The following SCNN1D variants were observed in gnomAD, a reference collection of about 807,000 sequenced individuals.
The protein encoded by SCNN1D is sodium channel epithelial 1 subunit delta, also known as epithelial sodium channel subunit delta.
SCNN1D carries 104 observed loss-of-function variants against 87.8 expected under a neutral mutation model. The ratio of observed to expected loss-of-function variants is 1.18; its 90% CI spans 1.01 to 1.39. SCNN1D has a LOEUF of 1.39. Ranked by LOEUF, SCNN1D falls within the 40% of genes most tolerant of loss-of-function variation. The pLI is 0.00. For missense variants in SCNN1D, 1,324 were observed against 1,093.9 expected (o/e 1.21, Z -2.97); for synonymous variants, 628 against 481.2 (o/e 1.31, Z -3.99).
Position 1,291,282 on chromosome 1 carries a change from G to C in SCNN1D, c.2081G>C (p.Ser694Thr). The C allele has an allele frequency of 6.4e-7, 1 of 1,565,044 alleles. No homozygotes were observed. ...CCGCAGCTGCTCTCGGCCATGGGCA[G>C]CCTCTGCAGCCTGTGGTTTGGGGCC... ...SVPQLLSAMG[S>T]LCSLWFGASV... The change falls in exon 18 of 18, where the codon AGC becomes ACC. Residue 694 changes from serine to threonine, a missense_variant. Ser to Thr is a moderately conservative substitution (Grantham distance 58). Coordinates refer to ENST00000379116, the MANE Select transcript of SCNN1D (RefSeq NM_001130413.4).
chr1:1,284,987 G>A (rs74046667), intron 5 of SCNN1D, among the ~76,000 whole-genome samples: 5,132 of 152,292 alleles, frequency 0.034, 310 homozygotes, highest in African/African-American at 0.11. Flanking sequence ...AGGTGGAGAC[G>A]AGGAGTGGGG....
chr1:1,285,186 C>T (rs1025977377), intron 5 of SCNN1D, among the ~76,000 whole-genome samples: 29 of 152,342 alleles, frequency 1.9e-4, no homozygotes, highest in African/African-American at 7.0e-4. Context: ...GCTTCTGGCT[C>T]GCTCTAGCAC....
chr1:1,290,691 AGCT>A lies in SCNN1D; in HGVS notation c.1916_1917+1del. On this transcript the variant is annotated inframe_deletion and splice_region_variant, in exon 15 of 18. Coordinates refer to ENST00000379116, the MANE Select transcript of SCNN1D (RefSeq NM_001130413.4). ...CCTCCAGGTGGCCTTCCGCCAAGTC[AGCT>A]GTGAGTCCCCAAAGTGGTGGGGTGG... 1 of 1,612,606 alleles carries A rather than the reference AGCT, an allele frequency of 6.2e-7. No homozygotes were observed. Among genetic ancestry groups the A allele is most frequent in the Non-Finnish European group, 8.5e-7 (1 of 1,179,908 alleles).
chr1:1,281,296 A>T lies in SCNN1D; in HGVS notation c.76A>T (p.Arg26Trp). The change falls in exon 2 of 18, where the codon AGG (arginine) becomes TGG (tryptophan). Residue 26 changes from arginine to tryptophan, a missense_variant and splice_region_variant. Transcript: ENST00000379116. ...LWPGHLSGPR[R>W]LTWSWCSDHR... The stretch of plus-strand genomic sequence containing the variant: ...GCCCGGCCACCTCAGCGGCCCAAGG[A>T]GGTGAGCTCACAGCCATGCTCGGTC... 6.5e-7 allele frequency: 1 copy of T among 1,535,728 alleles called. No individual in the cohort carries two copies. Among genetic ancestry groups the T allele is most frequent in the Middle Eastern group, 1.7e-4 (1 of 5,988 alleles).
rs147707193 is a variant in SCNN1D, at chr1:1,291,381, G to A, written c.2180G>A (p.Arg727His). 197 of 1,608,182 alleles carry A rather than the reference G, an allele frequency of 1.2e-4. No homozygotes were observed. Among genetic ancestry groups the A allele is most frequent in the African/African-American group, 4.0e-4 (30 of 74,830 alleles). Residue 727 changes from arginine to histidine, a missense_variant, in exon 18 of 18, where the codon CGC becomes CAC. Physicochemically the swap from Arg to His is conservative, Grantham distance 29 (BLOSUM62 0). Coordinates refer to ENST00000379116, the MANE Select transcript of SCNN1D (RefSeq NM_001130413.4). Reference protein sequence around the residue: ...ASALTLVLGGRRLRRAWFSWP... With the variant: ...ASALTLVLGGHRLRRAWFSWP... Reference sequence around the variant, plus strand: ...GCCCTCACCCTGGTGCTAGGCGGCCGCCGGCTCCGCAGGGCGTGGTTCTCC... The same window carrying A: ...GCCCTCACCCTGGTGCTAGGCGGCCACCGGCTCCGCAGGGCGTGGTTCTCC...
intron 6 of SCNN1D, 52 bp downstream of exon 6, chr1:1,285,716 C>G (rs1219720610): frequency 1.4e-6 from 2 of 1,409,014 alleles, no homozygotes; most frequent in Admixed American, 2.4e-5. Context: ...GCAGCCCAAA[C>G]TCAAACTCAG....
chr1:1,287,074 TAGCCACAG>T (rs758569734), intron 8 of SCNN1D, 27 bp from the exon 9 acceptor site: 2 of 1,579,998 alleles, frequency 1.3e-6, no homozygotes, highest in Admixed American at 3.4e-5. Flanking sequence ...GCCTGGGCTG[TAGCCACAG>T]AGCTGACCCT....
chr1:1,284,320 G>GTGGGGGGA (rs1640539342), intron 5 of SCNN1D, among the ~76,000 whole-genome samples: 2 of 111,634 alleles, frequency 1.8e-5, no homozygotes, highest in African/African-American at 6.8e-5. Flanking sequence ...GGGGGTAGGG[G>GTGGGGGGA]TGGGGGGGTG....
chr1:1,283,900 G>A lies in SCNN1D; in HGVS notation c.352-78G>A, dbSNP rs1640518051. On this transcript the variant is annotated intron_variant, in intron 4 of 17. Transcript: ENST00000379116. ...CCCAGGAATTCCCCTTTTGGGTCCG[G>A]GGCAGGTGTGGCTGCCCTGGCTGGG... is the stretch of plus-strand genomic sequence containing the variant. 1.5e-5 allele frequency: 11 copies of A among 727,598 alleles called. No homozygotes were observed. In the South Asian group the frequency reaches 2.2e-4, roughly 14 times the overall value. 45.1% of individuals were successfully genotyped at this position (727,598 alleles called of 1,614,324 possible). A position where few individuals can be genotyped will look rare whatever the true frequency, so the allele number is the denominator to read the frequency against.
chr1:1,287,453 C>T (rs113361226), intron 9 of SCNN1D, 55 bp from the exon 10 acceptor site: 90 of 1,499,288 alleles, frequency 6.0e-5, no homozygotes, highest in African/African-American at 3.4e-4. Flanking sequence ...CTCAGGCCAG[C>T]GTGACGGGCG....
intron 4 of SCNN1D, among the ~76,000 whole-genome samples, chr1:1,283,427 G>A (rs954951362): frequency 3.3e-5 from 5 of 152,012 alleles, no homozygotes; most frequent in African/African-American, 7.2e-5. Context: ...GGCCGGGCAC[G>A]GTGGCTCACG....
chr1:1,281,502 G>C lies in SCNN1D; in HGVS notation c.169G>C (p.Gly57Arg), dbSNP rs192142123. The C allele has an allele frequency of 2.6e-6, 4 of 1,533,412 alleles. No homozygotes were observed. Among genetic ancestry groups the C allele is most frequent in the Middle Eastern group, 1.7e-4 (1 of 6,004 alleles). The allele number at this position is 1,533,412 out of a possible 1,614,324, so 95.0% of individuals were successfully genotyped here. ...CACCCCCTGCACCGGGCCAGCGAGG[G>C]GATGGCCCAGAAGAGGGGGAGGACC... ...HPTPCTGPARGWPRRGGGPCG... is the reference protein window; with the variant it reads ...HPTPCTGPARRWPRRGGGPCG... Residue 57 changes from glycine to arginine, a missense_variant, in exon 3 of 18, where the codon GGA becomes CGA. Transcript: ENST00000379116.
intron 7 of SCNN1D, 26 bp from the exon 8 acceptor site, chr1:1,286,742 T>G (rs767442663): frequency 6.2e-7 from 1 of 1,606,804 alleles, no homozygotes; most frequent in Admixed American, 1.7e-5. Context: ...GGCCGGCAAC[T>G]CTGACTCCAG....
At chr1:1,282,181 C>A in intron 3 of SCNN1D, 61 bp from the exon 4 acceptor site, 2 of 988,884 alleles carry the variant, frequency 2.0e-6, no homozygotes, top group South Asian at 1.4e-5. Context: ...GAAATCAGCT[C>A]AGAGAGGTTG....
intron 4 of SCNN1D, among the ~76,000 whole-genome samples, chr1:1,283,590 C>G (rs573772171): frequency 1.6e-4 from 25 of 152,294 alleles, no homozygotes; most frequent in African/African-American, 5.8e-4. Context: ...CCCAGCTACT[C>G]AGGAGGCTGA....
chr1:1,291,805 G>C lies in SCNN1D; in HGVS notation c.*195G>C. 1 of 469,792 alleles carries C rather than the reference G, an allele frequency of 2.1e-6. No individual in the cohort carries two copies. The highest frequency in any genetic ancestry group is 4.9e-5 in the South Asian group (1 of 20,450). The allele number at this position is 469,792 out of a possible 1,614,324, so 29.1% of individuals were successfully genotyped here. On this transcript the variant is annotated 3_prime_UTR_variant, in exon 18 of 18. Transcript: ENST00000379116. ...ACTGCCTGGGGTGGGTCTCAAGGAG[G>C]CCCGGGGCGGAGGGGGGTTCCCGCG...
At chr1:1,290,222 C>G (rs60460527) in intron 12 of SCNN1D, 49 bp from the exon 13 acceptor site, 3 of 1,381,550 alleles carry the variant, frequency 2.2e-6, no homozygotes, top group Non-Finnish European at 3.0e-6. Flanking sequence ...GCCCCGTCCC[C>G]CATGTCTCCG....
chr1:1,285,643 C>T lies in SCNN1D; in HGVS notation c.537C>T (p.Asn179=), dbSNP rs949354017. 158 of 1,546,452 alleles carry T rather than the reference C, an allele frequency of 1.0e-4. No individual in the cohort carries two copies. The highest frequency in any genetic ancestry group is 1.3e-4 in the Non-Finnish European group (147 of 1,145,068). The change falls in exon 6 of 18, where the codon AAC becomes AAT. Residue 179 remains asparagine (N), a synonymous_variant. Transcript: ENST00000379116. The part of the protein sequence containing the change: ...KGWQHRPTQH[N]AACKQGQAAA... ...GGCAGCACAGACCCACTCAGCACAACGCTGCCTGCAAACAGGGCCAGGTAG... is the reference window on the plus strand; with the variant it reads ...GGCAGCACAGACCCACTCAGCACAATGCTGCCTGCAAACAGGGCCAGGTAG...
At chr1:1,284,755 G>A (rs755438115) in intron 5 of SCNN1D, among the ~76,000 whole-genome samples, 8 of 152,072 alleles carry the variant, frequency 5.3e-5, no homozygotes, top group South Asian at 2.1e-4. Context: ...CACATGGCAC[G>A]ACGCAGATCC....
Sources: gnomAD v4.1 joint callset for allele counts (sites outside exome capture counted in the v4.1 genomes callset) on GRCh38, gnomAD v4.1.1 for gene constraint, MANE v1.5 for transcripts, NCBI Gene and HGNC (gene_info 2026-07-23, HGNC 2026-07-21) for gene names.